MTMR8: variants seen among roughly 807,000 people sequenced by gnomAD.
MTMR8 encodes phosphatidylinositol-3,5-bisphosphate 3-phosphatase MTMR8.
Under a neutral mutation model 39.3 loss-of-function variants are expected in MTMR8, and 65 were observed. The observed-to-expected ratio is 1.65, with a 90% CI of 1.35 to 2.03. MTMR8 has a LOEUF of 2.03. Ranked by LOEUF, MTMR8 falls within the 30% of genes most tolerant of loss-of-function variation. The pLI, the probability that MTMR8 is intolerant of heterozygous loss-of-function variation, is 0.00. For synonymous variants in MTMR8, 245 were observed against 185.2 expected (o/e 1.32, Z -2.62); for missense variants, 777 against 538.9 (o/e 1.44, Z -4.37).
intron 10 of MTMR8, among the ~76,000 whole-genome samples, chrX:64,334,614 T>TCTC (rs1388045488): frequency 1.9e-5 from 2 of 105,514 alleles, no homozygotes; most frequent in Non-Finnish European, 3.9e-5. Flanking sequence ...TGAATGATCT[T>TCTC]CTCCTCACTG....
chrX:64,315,324 G>A (rs1398905846), intron 12 of MTMR8, among the ~76,000 whole-genome samples: 1 of 111,623 alleles, frequency 9.0e-6, no homozygotes, highest in Non-Finnish European at 1.9e-5. Context: ...GTGGCCCCGT[G>A]CAGGGTCCCC....
Position 64,350,056 on chromosome X carries a change from G to A in MTMR8, c.483C>T (p.Tyr161=). The change falls in exon 5 of 14, where the codon TAC becomes TAT. Residue 161 remains tyrosine, a synonymous_variant. Transcript: ENST00000374852. ...ANRNYEICST[Y]PPEIVVPKSV... is the part of the protein sequence containing the mutation. ...ATTTAGGAACCACTATTTCAGGAGG[G>A]TAGGTGCTGCATATCTAAAAGAAAA... 8.6e-7 allele frequency: 1 copy of A among 1,159,371 alleles called. No homozygotes were observed. Among genetic ancestry groups the A allele is most frequent in the Non-Finnish European group, 1.2e-6 (1 of 863,841 alleles).
chrX:64,347,808 A>G (rs1208344367), intron 6 of MTMR8, among the ~76,000 whole-genome samples: 1 of 112,600 alleles, frequency 8.9e-6, no homozygotes, highest in Non-Finnish European at 1.9e-5. Flanking sequence ...GAGTTCTTCT[A>G]CAGCCCATAT....
rs747311453 is a variant in MTMR8 at position 64,317,030 on chromosome X, T to C, written c.1481+11742A>G. Among the ~76,000 whole-genome samples, 7 of 106,565 alleles carry C rather than the reference T, an allele frequency of 6.6e-5. No homozygotes were observed. In the South Asian group the frequency reaches 2.6e-3, roughly 39 times the overall value. 92.5% of individuals were successfully genotyped at this position (106,565 alleles called of 115,157 possible). ...GGGAGGCTGAGGTGGGAGGATCACT[T>C]GAACTTGGGAGACAGAGGTTGCAGT... On this transcript the variant is annotated intron_variant, in intron 12 of 13. Coordinates refer to ENST00000374852, the MANE Select transcript of MTMR8 (RefSeq NM_017677.4).
At chrX:64,315,772 T>C (rs1335048180) in intron 12 of MTMR8, among the ~76,000 whole-genome samples, 1 of 112,039 alleles carries the variant, frequency 8.9e-6, no homozygotes, top group Non-Finnish European at 1.9e-5. Context: ...CATGTTATTG[T>C]TTTTGTTTGT....
intron 12 of MTMR8, among the ~76,000 whole-genome samples, chrX:64,277,638 G>A (rs1931907986): frequency 9.0e-6 from 1 of 111,521 alleles, no homozygotes; most frequent in African/African-American, 3.3e-5. Context: ...TCCCTTTGTG[G>A]GTAACCCAAC....
rs369482112 is a variant in MTMR8, at chrX:64,386,444, T to A, written c.24+8896A>T. Among the ~76,000 whole-genome samples, 51 of 111,028 alleles carry A rather than the reference T, an allele frequency of 4.6e-4. No homozygotes were observed. In the Middle Eastern group the frequency reaches 0.019, roughly 41 times the overall value. ...AAAAGCCAGAGGGACCAGTGTAAGA[T>A]AAATGAAAAAGAACTCTCAGAATTC... On this transcript the variant is annotated intron_variant, in intron 1 of 13. Transcript: ENST00000374852.
At chrX:64,362,346 G>A (rs1195272631) in intron 1 of MTMR8, among the ~76,000 whole-genome samples, 5 of 105,085 alleles carry the variant, frequency 4.8e-5, no homozygotes, top group African/African-American at 1.7e-4. Context: ...CCCACAAATT[G>A]CTAAATCAAC....
chrX:64,303,337 G>A (rs184583896), intron 12 of MTMR8, among the ~76,000 whole-genome samples: 1 of 111,889 alleles, frequency 8.9e-6, no homozygotes, highest in Non-Finnish European at 1.9e-5. Flanking sequence ...AATTTCATAA[G>A]CTAGTTTTCT....
intron 1 of MTMR8, among the ~76,000 whole-genome samples, chrX:64,373,047 T>G (rs1924169553): frequency 8.9e-6 from 1 of 111,828 alleles, no homozygotes; most frequent in African/African-American, 3.3e-5. Flanking sequence ...TGTGCTATAC[T>G]CTACATGTTA....
intron 8 of MTMR8, among the ~76,000 whole-genome samples, chrX:64,341,339 C>T (rs754005002): frequency 1.8e-5 from 2 of 110,021 alleles, no homozygotes; most frequent in Non-Finnish European, 1.9e-5. Flanking sequence ...ATTAGTCAGG[C>T]GTGGTGGCAT....
At chrX:64,314,092 CT>C (rs1378051380) in intron 12 of MTMR8, among the ~76,000 whole-genome samples, 4 of 112,516 alleles carry the variant, frequency 3.6e-5, no homozygotes, top group Non-Finnish European at 7.5e-5. Flanking sequence ...CTCTGGATGA[CT>C]GCTATCAAGC....
chrX:64,391,540 C>T (rs924596783), intron 1 of MTMR8, among the ~76,000 whole-genome samples: 3 of 111,761 alleles, frequency 2.7e-5, no homozygotes, highest in South Asian at 3.8e-4. Flanking sequence ...CATCTCATCA[C>T]CTTACTTAAG....
chrX:64,317,152 T>G (rs1408185255), intron 12 of MTMR8, among the ~76,000 whole-genome samples: 3 of 110,680 alleles, frequency 2.7e-5, no homozygotes, highest in Non-Finnish European at 5.7e-5. Flanking sequence ...TTTCACAAAT[T>G]TTGCTATGAT....
intron 1 of MTMR8, among the ~76,000 whole-genome samples, chrX:64,359,854 T>G (rs1301293132): frequency 6.6e-5 from 7 of 106,633 alleles, no homozygotes; most frequent in Admixed American, 6.1e-4. Flanking sequence ...GTGCAGTTAT[T>G]GTATGTGTAA....
intron 12 of MTMR8, among the ~76,000 whole-genome samples, chrX:64,301,920 G>A (rs758713174): frequency 4.5e-5 from 5 of 111,832 alleles, no homozygotes; most frequent in African/African-American, 1.3e-4. Flanking sequence ...GTAGTCTGCC[G>A]GTTCTCAGAT....
At chrX:64,311,767 C>CTTTT (rs1193336126) in intron 12 of MTMR8, among the ~76,000 whole-genome samples, 5 of 80,912 alleles carry the variant, frequency 6.2e-5, no homozygotes, top group African/African-American at 2.4e-4. Context: ...TTCCCCATTG[C>CTTTT]TTTTTTTTTT....
At chrX:64,330,488 C>T (rs1359894992) in intron 11 of MTMR8, among the ~76,000 whole-genome samples, 1 of 112,077 alleles carries the variant, frequency 8.9e-6, no homozygotes, top group African/African-American at 3.2e-5. Flanking sequence ...TAACTACTAA[C>T]TCAGCCAACA....
At position 64,279,093 on chromosome X, in the gene MTMR8, C is replaced by T. The variant is rs184720524; in HGVS notation, c.1482-8020G>A. Among the ~76,000 whole-genome samples, 217 of 111,795 alleles carry T rather than the reference C, an allele frequency of 1.9e-3. 2 individuals are homozygous for T. Among genetic ancestry groups the T allele is most frequent in the East Asian group, 0.012 (43 of 3,525 alleles). ...AGTCTGCCCCTTAGCAGAGCTCAAG[C>T]GCTGTGCTGGGAGATCCACTGCTCT... On this transcript the variant is annotated intron_variant, in intron 12 of 13. Transcript: ENST00000374852.
Sources: allele counts gnomAD v4.1 joint callset (sites outside exome capture counted in the v4.1 genomes callset), GRCh38; gene constraint gnomAD v4.1.1; transcripts MANE v1.5; gene names NCBI Gene and HGNC (gene_info 2026-07-23, HGNC 2026-07-21).